The following DLG2 variants were observed in gnomAD, a reference collection of about 807,000 sequenced individuals.
DLG2 encodes the protein discs large MAGUK scaffold protein 2.
Under a neutral mutation model 132.5 loss-of-function variants are expected in DLG2, and 45 were observed. The observed-to-expected ratio is 0.34, with a 90% CI of 0.27 to 0.44. The LOEUF (loss-of-function observed/expected upper bound fraction) is 0.44. Among genes scored for constraint, DLG2 ranks in the 20% least tolerant of loss-of-function variants. The pLI is 1.00. For missense variants in DLG2, 1,045 were observed against 1,196.9 expected, an observed-to-expected ratio of 0.87 and a Z score of 1.87; for synonymous variants, 424 against 419.6, an observed-to-expected ratio of 1.01 and a Z score of -0.13.
At chr11:85,519,925 T>A (rs550346694) in intron 3 of DLG2, among the ~76,000 whole-genome samples, 2 of 152,306 alleles carry the variant, frequency 1.3e-5, no homozygotes, top group African/African-American at 4.8e-5. Flanking sequence ...ACCATGATTG[T>A]GAGGCCTCCC....
At chr11:85,192,652 T>C (rs2080690285) in intron 4 of DLG2, among the ~76,000 whole-genome samples, 1 of 152,248 alleles carries the variant, frequency 6.6e-6, no homozygotes, top group South Asian at 2.1e-4. Context: ...ACCCAATTTT[T>C]CCTTTTAATA....
chr11:83,652,710 T>C (rs2153522063), intron 18 of DLG2, among the ~76,000 whole-genome samples: 1 of 152,308 alleles, frequency 6.6e-6, no homozygotes, highest in Non-Finnish European at 1.5e-5. Flanking sequence ...TTAATATCAT[T>C]GTGGTATGAT....
intron 3 of DLG2, among the ~76,000 whole-genome samples, chr11:85,553,851 C>G (rs1247167106): frequency 2.7e-5 from 4 of 150,936 alleles, no homozygotes; most frequent in Non-Finnish European, 4.4e-5. Flanking sequence ...ATGTTACATT[C>G]AGCATCTTCT....
At chr11:84,952,277 G>A (rs2051032205) in intron 6 of DLG2, among the ~76,000 whole-genome samples, 1 of 152,186 alleles carries the variant, frequency 6.6e-6, no homozygotes, top group Admixed American at 6.5e-5. Context: ...CGGGCGCGGT[G>A]GCTCACGCCT....
chr11:85,267,518 T>A lies in DLG2; in HGVS notation c.186+17702A>T, dbSNP rs374114985. 5.3e-5 allele frequency among the ~76,000 whole-genome samples: 8 copies of A among 152,164 alleles called. No homozygotes were observed. The East Asian group carries it at 7.7e-4, about 15-fold the overall frequency. ...TACCCCCCACAAAAAACAAAAGAGA[T>A]CCTGATACAAGGTGCTAGTTAGTTT... On this transcript the variant is annotated intron_variant, in intron 4 of 27. Transcript: ENST00000376104.
chr11:84,518,470 A>G (rs2099280285), intron 7 of DLG2, among the ~76,000 whole-genome samples: 4 of 152,130 alleles, frequency 2.6e-5, no homozygotes, highest in Admixed American at 2.6e-4. Context: ...TCTCTTCAAT[A>G]TAAACATTTC....
intron 22 of DLG2, among the ~76,000 whole-genome samples, chr11:83,474,174 ATTGG>A (rs1255885971): frequency 6.6e-6 from 1 of 152,080 alleles, no homozygotes; most frequent in Non-Finnish European, 1.5e-5. Flanking sequence ...ACTCTGCCAC[ATTGG>A]TCAGGGGTTT....
At chr11:84,612,845 G>A (rs751379747) in intron 6 of DLG2, among the ~76,000 whole-genome samples, 25 of 152,016 alleles carry the variant, frequency 1.6e-4, no homozygotes, top group African/African-American at 2.4e-4. Context: ...GAATGATTAC[G>A]TCATTTGTCC....
At chr11:84,211,450 G>T (rs1478131748) in intron 8 of DLG2, among the ~76,000 whole-genome samples, 1 of 152,088 alleles carries the variant, frequency 6.6e-6, no homozygotes, top group Non-Finnish European at 1.5e-5. Context: ...TTACTATGTT[G>T]CCCAGACTGG....
intron 6 of DLG2, among the ~76,000 whole-genome samples, chr11:84,714,597 CTTTCTCTT>C (rs1565749653): frequency 1.7e-4 from 19 of 109,988 alleles, no homozygotes; most frequent in African/African-American, 7.9e-4. Flanking sequence ...CTTTCTCTTT[CTTTCTCTT>C]TCTCTTTCTC....
At chr11:84,640,598 T>C (rs1326144941) in intron 6 of DLG2, 1 of 256,654 alleles carries the variant, frequency 3.9e-6, no homozygotes, top group Non-Finnish European at 7.5e-6. Flanking sequence ...AGAAACAAGA[T>C]GCTGGATGAT....
intron 3 of DLG2, among the ~76,000 whole-genome samples, chr11:85,406,815 T>C (rs2088792688): frequency 6.6e-6 from 1 of 151,756 alleles, no homozygotes; most frequent in African/African-American, 2.4e-5. Flanking sequence ...TTCAGTGAAA[T>C]ATATATAGTA....
intron 6 of DLG2, among the ~76,000 whole-genome samples, chr11:84,756,621 A>G (rs776618196): frequency 1.8e-4 from 28 of 151,860 alleles, no homozygotes; most frequent in Admixed American, 4.6e-4. Flanking sequence ...TGTAGATTCT[A>G]GTATACACAA....
intron 6 of DLG2, among the ~76,000 whole-genome samples, chr11:84,874,152 T>C (rs2085940335): frequency 2.0e-5 from 3 of 152,156 alleles, no homozygotes; most frequent in Non-Finnish European, 4.4e-5. Context: ...GCAGAAAAGA[T>C]TGTTGGGGCA....
At chr11:84,406,736 T>C (rs527565540) in intron 7 of DLG2, among the ~76,000 whole-genome samples, 1 of 152,356 alleles carries the variant, frequency 6.6e-6, no homozygotes, top group African/African-American at 2.4e-5. Flanking sequence ...TCTCTGTATT[T>C]TTCACATACC....
At chr11:84,163,404 A>G in intron 9 of DLG2, 57 bp downstream of exon 9, 2 of 1,463,016 alleles carry the variant, frequency 1.4e-6, no homozygotes, top group South Asian at 1.2e-5. Context: ...CATTAAGATT[A>G]GAATAGAATG....
chr11:85,369,502 A>G (rs2084812151), intron 3 of DLG2, among the ~76,000 whole-genome samples: 1 of 151,776 alleles, frequency 6.6e-6, no homozygotes, highest in Admixed American at 6.6e-5. Flanking sequence ...TTTTTACTAG[A>G]CCAGGCAACC....
At chr11:84,521,918 T>C (rs562969488) in intron 7 of DLG2, among the ~76,000 whole-genome samples, 1 of 152,302 alleles carries the variant, frequency 6.6e-6, no homozygotes, top group East Asian at 1.9e-4. Context: ...CCCAGCACTT[T>C]GGGAGGCCAA....
intron 3 of DLG2, among the ~76,000 whole-genome samples, chr11:85,437,205 G>T (rs1363150827): frequency 6.6e-6 from 1 of 151,876 alleles, no homozygotes; most frequent in Non-Finnish European, 1.5e-5. Context: ...TGCATGTGGG[G>T]CTTAAAACCT....
Sources: allele counts gnomAD v4.1 joint callset (sites outside exome capture counted in the v4.1 genomes callset), GRCh38; gene constraint gnomAD v4.1.1; transcripts MANE v1.5; gene names NCBI Gene and HGNC (gene_info 2026-07-23, HGNC 2026-07-21).